Variants in PTK2B observed in about 807,000 individuals in gnomAD.
PTK2B encodes the protein protein tyrosine kinase 2 beta.
PTK2B carries 71 observed loss-of-function variants against 142.9 expected under a neutral mutation model. The ratio of observed to expected loss-of-function variants is 0.50; its 90% confidence interval spans 0.41 to 0.61. PTK2B has a LOEUF of 0.61. PTK2B is among the 20% of genes least tolerant of loss of function. The probability of loss-of-function intolerance (pLI) is 0.00; values close to 1 mark genes in which losing one functional copy is unlikely to be tolerated. For synonymous variants in PTK2B, 519 were observed against 503.4 expected, an observed-to-expected ratio of 1.03 and a Z score of -0.42; for missense variants, 1,105 against 1,320.4, an observed-to-expected ratio of 0.84 and a Z score of 2.53.
intron 4 of PTK2B, among the ~76,000 whole-genome samples, chr8:27,421,590 A>G (rs112032220): frequency 0.025 from 3,876 of 152,338 alleles, 169 homozygotes; most frequent in African/African-American, 0.087. Flanking sequence ...ACTTAGAATA[A>G]TGGTCTCCAA....
At chr8:27,340,668 C>G (rs570648469) in intron 1 of PTK2B, among the ~76,000 whole-genome samples, 1 of 152,360 alleles carries the variant, frequency 6.6e-6, no homozygotes, top group East Asian at 1.9e-4. Flanking sequence ...AGCTCTTGCA[C>G]CAAGCATGGA....
At chr8:27,311,170 G>A, upstream of PTK2B, 5 of 1,607,126 alleles carry the variant, frequency 3.1e-6, no homozygotes, top group Non-Finnish European at 4.2e-6. Flanking sequence ...CGTAGCAGAC[G>A]GCGCAGAGCA....
chr8:27,349,526 G>T (rs890416163), intron 1 of PTK2B, among the ~76,000 whole-genome samples: 6 of 152,206 alleles, frequency 3.9e-5, no homozygotes, highest in African/African-American at 1.4e-4. Context: ...CAGTGCATTG[G>T]CAGGAATGCG....
In PTK2B at chr8:27,458,773, C is replaced by T. The variant is rs774413340; in HGVS notation, c.*264C>T. Reference sequence around the variant, plus strand: ...GGGGACTGCTGCTGCCTGGCCACTGCTCCCTAAGCCAGCCTGGTCCATGCA... The same window carrying T: ...GGGGACTGCTGCTGCCTGGCCACTGTTCCCTAAGCCAGCCTGGTCCATGCA... On this transcript the variant is annotated 3_prime_UTR_variant, in exon 31 of 31. Transcript: ENST00000346049. The T allele has an allele frequency of 1.3e-5, 7 of 542,518 alleles. No individual in the cohort carries two copies. The highest frequency in any genetic ancestry group is 6.3e-5 in the East Asian group (2 of 31,754). 33.6% of individuals were successfully genotyped at this position (542,518 alleles called of 1,614,324 possible).
In PTK2B at chr8:27,420,723, G is replaced by C; in HGVS notation, c.450G>C (p.Thr150=). The change falls in exon 4 of 31, where the codon ACG becomes ACC. Residue 150 remains threonine (T), a synonymous_variant. Coordinates refer to ENST00000346049, the MANE Select transcript of PTK2B (RefSeq NM_173176.3). ...FMESLKEDRT[T]LLYFYQQLRN... Reference sequence around the variant, plus strand: ...AGAGCCTGAAGGAGGACAGGACCACGCTGCTCTATTTTTACCAACAGGTAA... The same window carrying C: ...AGAGCCTGAAGGAGGACAGGACCACCCTGCTCTATTTTTACCAACAGGTAA... The C allele has an allele frequency of 6.2e-7, 1 of 1,613,686 alleles. No homozygotes were observed.
chr8:27,311,452 T>A, upstream of PTK2B: 2 of 619,440 alleles, frequency 3.2e-6, no homozygotes, highest in Non-Finnish European at 5.3e-6. Context: ...GCGCGGGAAA[T>A]CTTGGGAGAG....
At chr8:27,328,653 T>C (rs1235310900) in intron 1 of PTK2B, among the ~76,000 whole-genome samples, 1 of 152,212 alleles carries the variant, frequency 6.6e-6, no homozygotes, top group East Asian at 1.9e-4. Context: ...CAAATGAGCC[T>C]GCACTTGGAC....
intron 1 of PTK2B, chr8:27,326,864 G>A (rs1338411935): frequency 1.3e-5 from 2 of 152,584 alleles, no homozygotes; most frequent in Non-Finnish European, 2.9e-5. Context: ...CTGCGGCCAG[G>A]TGCAAGGTGT....
intron 1 of PTK2B, among the ~76,000 whole-genome samples, chr8:27,371,490 G>A (rs1275422917): frequency 6.6e-6 from 1 of 151,830 alleles, no homozygotes; most frequent in Non-Finnish European, 1.5e-5. Flanking sequence ...TTGTTCTTGA[G>A]ATTCCATTTT....
intron 3 of PTK2B, among the ~76,000 whole-genome samples, 157 bp downstream of exon 3, chr8:27,420,230 T>C (rs1809660509): frequency 6.6e-6 from 1 of 152,080 alleles, no homozygotes; most frequent in East Asian, 1.9e-4. Flanking sequence ...ATCCAATGCA[T>C]GTATTTTCCA....
chr8:27,435,442 G>C (rs1247610364), intron 13 of PTK2B, among the ~76,000 whole-genome samples: 2 of 152,230 alleles, frequency 1.3e-5, no homozygotes, highest in African/African-American at 4.8e-5. Context: ...GGTATTATTT[G>C]ATTCAATCTT....
At chr8:27,338,011 G>A (rs973268477) in intron 1 of PTK2B, among the ~76,000 whole-genome samples, 4 of 152,050 alleles carry the variant, frequency 2.6e-5, no homozygotes, top group Non-Finnish European at 2.9e-5. Flanking sequence ...ATACCTCCAC[G>A]TTCTCGCCAA....
rs575190641 is a variant in PTK2B, at chr8:27,344,034, A to G, written c.-38+18353A>G. On this transcript the variant is annotated intron_variant, in intron 1 of 30. Coordinates refer to ENST00000346049, the MANE Select transcript of PTK2B (RefSeq NM_173176.3). ...ATAAATAAATAAAAAATAAAAAAAT[A>G]AAAATTTTTTCATCAGTGCTGTAAC... Among the ~76,000 whole-genome samples the G allele has an allele frequency of 9.9e-5, 15 of 152,264 alleles. No individual in the cohort carries two copies. In the East Asian group the frequency reaches 2.9e-3, roughly 29 times the overall value.
At chr8:27,406,196 A>G (rs1473680102) in intron 2 of PTK2B, among the ~76,000 whole-genome samples, 1 of 152,150 alleles carries the variant, frequency 6.6e-6, no homozygotes, top group Non-Finnish European at 1.5e-5. Flanking sequence ...TCTTTTCTGT[A>G]TCTTTTACAA....
chr8:27,384,149 C>T (rs563093758), intron 1 of PTK2B, among the ~76,000 whole-genome samples: 1 of 152,010 alleles, frequency 6.6e-6, no homozygotes, highest in African/African-American at 2.4e-5. Flanking sequence ...CATGACCGGC[C>T]CAACACCTGG....
At chr8:27,424,232 C>T (rs987126987) in intron 5 of PTK2B, among the ~76,000 whole-genome samples, 3 of 152,216 alleles carry the variant, frequency 2.0e-5, no homozygotes, top group African/African-American at 7.2e-5. Context: ...AGTTGTAAAA[C>T]AGCACCACAA....
At chr8:27,392,010 C>T (rs1409319459) in intron 1 of PTK2B, among the ~76,000 whole-genome samples, 1 of 152,158 alleles carries the variant, frequency 6.6e-6, no homozygotes, top group African/African-American at 2.4e-5. Context: ...GACAGAATGC[C>T]AGGGCTTGGA....
chr8:27,407,728 C>A (rs1808809423), intron 2 of PTK2B, among the ~76,000 whole-genome samples: 1 of 152,186 alleles, frequency 6.6e-6, no homozygotes, highest in South Asian at 2.1e-4. Flanking sequence ...CAGCTCACAT[C>A]TTCATGTCTT....
chr8:27,450,777 G>A lies in PTK2B; in HGVS notation c.2369G>A (p.Arg790Gln), dbSNP rs780938313. The A allele has an allele frequency of 3.1e-6, 5 of 1,614,060 alleles. No individual in the cohort carries two copies. Among genetic ancestry groups the A allele is most frequent in the East Asian group, 2.2e-5 (1 of 44,894 alleles). ...REEDFIQPSS[R>Q]EEAQQLWEAE... ...GAGGACTTCATCCAACCCAGCAGCCGAGAAGAGGCCCAGCAGCTGTGGGAG... is the reference window on the plus strand; with the variant it reads ...GAGGACTTCATCCAACCCAGCAGCCAAGAAGAGGCCCAGCAGCTGTGGGAG... The change falls in exon 25 of 31, where the codon CGA becomes CAA. Residue 790 changes from arginine (R) to glutamine (Q), a missense_variant. Coordinates refer to ENST00000346049, the MANE Select transcript of PTK2B (RefSeq NM_173176.3).
Sources: gnomAD v4.1 joint callset for allele counts (sites outside exome capture counted in the v4.1 genomes callset) on GRCh38, gnomAD v4.1.1 for gene constraint, MANE v1.5 for transcripts, NCBI Gene and HGNC (gene_info 2026-07-23, HGNC 2026-07-21) for gene names.